The following GAPVD1 variants were observed in gnomAD, a reference collection of about 807,000 sequenced individuals.
GAPVD1 encodes the protein GTPase-activating protein and VPS9 domain-containing protein 1.
GAPVD1 carries 35 observed loss-of-function variants against 155.5 expected under a neutral mutation model. The observed-to-expected ratio is 0.23, with a 90% CI of 0.17 to 0.30. GAPVD1 has a LOEUF of 0.30. Among genes scored for constraint, GAPVD1 ranks in the 10% least tolerant of loss-of-function variants. The probability of loss-of-function intolerance (pLI) is 1.00; values close to 1 mark genes in which losing one functional copy is unlikely to be tolerated. For missense variants in GAPVD1, 1,429 were observed against 1,775.7 expected (o/e 0.80, Z 3.51); for synonymous variants, 636 against 619.7 (o/e 1.03, Z -0.39).
chr9:125,300,457 G>T (rs953855646), intron 4 of GAPVD1, among the ~76,000 whole-genome samples: 2 of 151,834 alleles, frequency 1.3e-5, no homozygotes, highest in Non-Finnish European at 2.9e-5. Context: ...GGGATTATAG[G>T]TATGAGCCAC....
At position 125,277,050 on chromosome 9, in the gene GAPVD1, G is replaced by A. The variant is rs542396447; in HGVS notation, c.-150+8066G>A. Among the ~76,000 whole-genome samples the A allele has an allele frequency of 2.0e-5, 3 of 152,222 alleles. No individual in the cohort carries two copies. The East Asian group carries it at 5.8e-4, about 29-fold the overall frequency. On this transcript the variant is annotated intron_variant, in intron 2 of 27. Coordinates refer to ENST00000297933, the MANE Select transcript of GAPVD1 (RefSeq NM_001282680.3). ...CAAAGTGCTGTGATTATAGGTGTGAGCTACCATGCCCAGCCTTAATTACAG... is the reference window on the plus strand; with the variant it reads ...CAAAGTGCTGTGATTATAGGTGTGAACTACCATGCCCAGCCTTAATTACAG...
At chr9:125,357,671 C>T (rs569871048) in intron 25 of GAPVD1, among the ~76,000 whole-genome samples, 1 of 151,748 alleles carries the variant, frequency 6.6e-6, no homozygotes, top group Non-Finnish European at 1.5e-5. Flanking sequence ...CTCAATAAAG[C>T]TGTTTAAAAA....
intron 2 of GAPVD1, among the ~76,000 whole-genome samples, chr9:125,270,339 G>GA (rs1299061168): frequency 6.6e-6 from 1 of 152,028 alleles, no homozygotes; most frequent in Non-Finnish European, 1.5e-5. Flanking sequence ...TGAGGCAGGA[G>GA]AATTGCTTGA....
intron 2 of GAPVD1, among the ~76,000 whole-genome samples, chr9:125,293,878 A>AT (rs1839317029): frequency 5.3e-5 from 1 of 18,990 alleles, no homozygotes; most frequent in East Asian, 9.3e-4. Context: ...ATATATATAT[A>AT]TATATATATA....
intron 9 of GAPVD1, among the ~76,000 whole-genome samples, chr9:125,317,230 A>G (rs1843561267): frequency 1.3e-5 from 2 of 151,988 alleles, no homozygotes; most frequent in South Asian, 4.1e-4. Context: ...AGGCAGGAGA[A>G]TCGCTTGAAC....
chr9:125,332,663 G>T (rs1300836808), intron 15 of GAPVD1, 34 bp downstream of exon 15: 3 of 1,590,368 alleles, frequency 1.9e-6, no homozygotes, highest in South Asian at 2.2e-5. Context: ...CTTAAAAAAT[G>T]ACCACATCCG....
At position 125,302,762 on chromosome 9, in the gene GAPVD1, C is replaced by G; in HGVS notation, c.965C>G (p.Pro322Arg). The change falls in exon 5 of 28, where the codon CCA becomes CGA. Residue 322 changes from proline (P) to arginine (R), a missense_variant. Physicochemically the swap from Pro to Arg is moderately radical, Grantham distance 103 (BLOSUM62 -2). This residue lies in a region of GAPVD1 where 628 missense variants were observed against 733.4 expected (regional missense o/e 0.86). Transcript: ENST00000297933. The part of the protein sequence containing the change: ...ACFICPAVVN[P>R]EQYGIISDAP... ...TTCATTTGTCCTGCAGTTGTCAATC[C>G]AGAACAATATGGAATAATTTCCGAT... is the stretch of plus-strand genomic sequence containing the variant. 1 of 1,613,678 alleles carries G rather than the reference C, an allele frequency of 6.2e-7. No individual in the cohort carries two copies. Among genetic ancestry groups the G allele is most frequent in the Non-Finnish European group, 8.5e-7 (1 of 1,179,878 alleles).
chr9:125,332,261 A>C (rs765778929), intron 14 of GAPVD1, among the ~76,000 whole-genome samples: 1 of 152,240 alleles, frequency 6.6e-6, no homozygotes, highest in Non-Finnish European at 1.5e-5. Context: ...ATTGGCAAAC[A>C]GTCTCTCTAC....
At chr9:125,327,857 G>A (rs1364995955) in intron 12 of GAPVD1, among the ~76,000 whole-genome samples, 1 of 152,130 alleles carries the variant, frequency 6.6e-6, no homozygotes, top group Admixed American at 6.6e-5. Flanking sequence ...CATGAACCCA[G>A]TGTACCCATC....
intron 2 of GAPVD1, among the ~76,000 whole-genome samples, chr9:125,270,345 C>T (rs1834691932): frequency 6.6e-6 from 1 of 152,034 alleles, no homozygotes; most frequent in Non-Finnish European, 1.5e-5. Context: ...AGGAGAATTG[C>T]TTGAACCTGG....
In GAPVD1 at chr9:125,365,607, T is replaced by C. The variant is rs1851429824; in HGVS notation, c.*2861T>C. The C allele has an allele frequency of 6.6e-6, 1 of 152,238 alleles. No homozygotes were observed. The allele number at this position is 152,238 out of a possible 1,614,324, so 9.4% of individuals were successfully genotyped here. A position where few individuals can be genotyped will look rare whatever the true frequency, so the allele number is the denominator to read the frequency against. The stretch of plus-strand genomic sequence containing the variant: ...ATTCTGCTTTTAGAAGTAATAGAAA[T>C]ACAAGTTGAAGATTGTCTTTACTTA... On this transcript the variant is annotated 3_prime_UTR_variant, in exon 28 of 28. Coordinates refer to ENST00000297933, the MANE Select transcript of GAPVD1 (RefSeq NM_001282680.3).
chr9:125,345,427 C>T (rs12338077), intron 19 of GAPVD1, among the ~76,000 whole-genome samples: 74,368 of 151,966 alleles, frequency 0.49, 18,383 homozygotes, highest in Middle Eastern at 0.58. Flanking sequence ...GTGATCTGCC[C>T]GCATCGGCCT....
intron 25 of GAPVD1, among the ~76,000 whole-genome samples, chr9:125,357,845 C>T (rs1280811826): frequency 1.3e-5 from 2 of 151,822 alleles, no homozygotes; most frequent in East Asian, 2.0e-4. Flanking sequence ...CATGATGGCT[C>T]ACACCTGTCA....
intron 2 of GAPVD1, among the ~76,000 whole-genome samples, chr9:125,277,080 C>T (rs964016089): frequency 5.3e-5 from 8 of 152,242 alleles, no homozygotes; most frequent in Non-Finnish European, 7.4e-5. Context: ...TTACAGTTTT[C>T]TAATAATGTT....
At chr9:125,306,661 T>G (rs1841873797) in intron 6 of GAPVD1, among the ~76,000 whole-genome samples, 1 of 151,996 alleles carries the variant, frequency 6.6e-6, no homozygotes, top group Non-Finnish European at 1.5e-5. Flanking sequence ...CCTGGCTAAT[T>G]TTGGTATTTT....
At chr9:125,319,485 A>G (rs1212320576) in intron 9 of GAPVD1, among the ~76,000 whole-genome samples, 1 of 150,684 alleles carries the variant, frequency 6.6e-6, no homozygotes, top group Non-Finnish European at 1.5e-5. Flanking sequence ...GCTCACTGCA[A>G]CCTCCACTTC....
Position 125,354,825 on chromosome 9 carries a change from C to G in GAPVD1, c.3741C>G (p.Ile1247Met), listed in dbSNP as rs1393360345. ...TGCTTGAGAGCAAAGAAAAGAAGAT[C>G]AGGGAATTCATTCAAGGTAACTCAA... ...RLLLESKEKK[I>M]REFIQDFQKL... is the part of the protein sequence containing the mutation. The change falls in exon 24 of 28, where the codon ATC becomes ATG. Residue 1247 changes from isoleucine (I) to methionine (M), a missense_variant. Physicochemically the swap from Ile to Met is conservative, Grantham distance 10. Transcript: ENST00000297933. 1 of 1,611,874 alleles carries G rather than the reference C, an allele frequency of 6.2e-7. No individual in the cohort carries two copies. The highest frequency in any genetic ancestry group is 1.3e-5 in the African/African-American group (1 of 74,870).
chr9:125,344,770 C>T (rs562388347), intron 19 of GAPVD1, among the ~76,000 whole-genome samples: 1 of 150,854 alleles, frequency 6.6e-6, no homozygotes, highest in African/African-American at 2.4e-5. Flanking sequence ...TGCCACTGCA[C>T]TCCAGCCTGG....
At chr9:125,316,863 G>A (rs989046685) in intron 9 of GAPVD1, among the ~76,000 whole-genome samples, 1 of 152,198 alleles carries the variant, frequency 6.6e-6, no homozygotes, top group Non-Finnish European at 1.5e-5. Context: ...CACCAACAGT[G>A]TGAAAGTGTT....
Sources: gnomAD v4.1 joint callset for allele counts (sites outside exome capture counted in the v4.1 genomes callset) on GRCh38, gnomAD v4.1.1 for gene constraint, gnomAD v4.1.1 regional missense constraint, MANE v1.5 for transcripts, NCBI Gene and HGNC (gene_info 2026-07-23, HGNC 2026-07-21) for gene names.